Variants in TLK1 observed in about 807,000 individuals in gnomAD.
The protein encoded by TLK1 is serine/threonine-protein kinase tousled-like 1.
Under a neutral mutation model 105.3 loss-of-function variants are expected in TLK1, and 24 were observed. That is an observed-to-expected ratio of 0.23 (90% confidence interval 0.17 to 0.32). TLK1 has a LOEUF of 0.32. Among genes scored for constraint, TLK1 ranks in the 10% least tolerant of loss-of-function variants. The pLI is 1.00. For synonymous variants in TLK1, 321 were observed against 310.4 expected (o/e 1.03, Z -0.36); for missense variants, 558 against 910.5 (o/e 0.61, Z 4.98).
chr2:171,031,454 CT>C (rs906653178), intron 11 of TLK1, among the ~76,000 whole-genome samples: 79 of 152,246 alleles, frequency 5.2e-4, no homozygotes, highest in Middle Eastern at 6.8e-3. Context: ...AGAACCTGCC[CT>C]CTCAAACAAT....
chr2:171,109,642 T>C (rs190667687), intron 2 of TLK1, among the ~76,000 whole-genome samples: 47 of 152,322 alleles, frequency 3.1e-4, no homozygotes, highest in Non-Finnish European at 1.0e-4. Flanking sequence ...TCCAGCTAAG[T>C]ATCTTCCCAA....
intron 7 of TLK1, chr2:171,054,434 C>G (rs1325876095): frequency 6.6e-6 from 1 of 152,350 alleles, no homozygotes; most frequent in Non-Finnish European, 1.5e-5. Flanking sequence ...CTTTCATGAT[C>G]TACTCAGTGG....
intron 14 of TLK1, among the ~76,000 whole-genome samples, chr2:171,007,479 C>G (rs1015135212): frequency 1.3e-5 from 2 of 151,936 alleles, no homozygotes; most frequent in Non-Finnish European, 2.9e-5. Flanking sequence ...CTATTTCTTT[C>G]TCACTTTTTA....
chr2:171,220,466 T>C (rs1214133418), intron 1 of TLK1, among the ~76,000 whole-genome samples: 1 of 152,254 alleles, frequency 6.6e-6, no homozygotes, highest in Non-Finnish European at 1.5e-5. Context: ...GTTTCTGCCT[T>C]GCTGCCTTTG....
In TLK1 at chr2:171,177,362, C is replaced by T. The variant is rs144213667; in HGVS notation, c.-6+53783G>A. On this transcript the variant is annotated intron_variant, in intron 1 of 20. Transcript: ENST00000521943. The stretch of plus-strand genomic sequence containing the variant: ...TTTGCCACATTGGCCAGGCTGGTCT[C>T]GAACTACTAGGCTCAAGGGATCCAC... Among the ~76,000 whole-genome samples, 351 of 150,856 alleles carry T rather than the reference C, an allele frequency of 2.3e-3. 2 individuals are homozygous for T. The highest frequency in any genetic ancestry group is 8.3e-3 in the African/African-American group (339 of 41,032).
At position 171,160,536 on chromosome 2, in the gene TLK1, A is replaced by C; in HGVS notation, c.-108T>G. ...GGGCCGCGCTGAGGGCGAGCGAGAG[A>C]GCGAGGGCTGGGAGGGGAGAGTCAA... is the stretch of plus-strand genomic sequence containing the variant. On this transcript the variant is annotated 5_prime_UTR_variant, in exon 1 of 21. Transcript: ENST00000431350. This position sits in a 1 kb window ranked among gnomAD's most constrained non-coding sequence, Gnocchi z 4.4. 6.7e-7 allele frequency: 1 copy of C among 1,493,874 alleles called. No homozygotes were observed. Among genetic ancestry groups the C allele is most frequent in the Non-Finnish European group, 8.9e-7 (1 of 1,121,344 alleles). 92.5% of individuals were successfully genotyped at this position (1,493,874 alleles called of 1,614,324 possible).
chr2:171,028,154 T>G (rs112010001), intron 12 of TLK1, among the ~76,000 whole-genome samples, 185 bp downstream of exon 12: 1 of 152,196 alleles, frequency 6.6e-6, no homozygotes, highest in East Asian at 1.9e-4. Flanking sequence ...TGAGACTGTT[T>G]CAAAAAATAA....
intron 1 of TLK1, among the ~76,000 whole-genome samples, chr2:171,130,231 C>T (rs1691045037): frequency 6.6e-6 from 1 of 152,104 alleles, no homozygotes; most frequent in East Asian, 1.9e-4. Flanking sequence ...GTGAAACCCC[C>T]TCTCTACTAG....
intron 14 of TLK1, among the ~76,000 whole-genome samples, chr2:171,009,395 C>T (rs561043372): frequency 6.7e-6 from 1 of 148,940 alleles, no homozygotes; most frequent in African/African-American, 2.5e-5. Flanking sequence ...CCTCCCACCA[C>T]CAAGGTTCAA....
At chr2:171,062,175 T>C (rs934459532) in intron 3 of TLK1, among the ~76,000 whole-genome samples, 15 of 152,210 alleles carry the variant, frequency 9.9e-5, no homozygotes, top group Admixed American at 9.8e-4. Flanking sequence ...GCACAGGCAA[T>C]GGCACCAGGC....
At chr2:171,113,305 T>G (rs986115261) in intron 2 of TLK1, among the ~76,000 whole-genome samples, 1 of 151,378 alleles carries the variant, frequency 6.6e-6, no homozygotes, top group Admixed American at 6.6e-5. Context: ...TGTCTCACTC[T>G]TGTCACCCAG....
At chr2:171,180,134 T>C (rs368753801) in intron 1 of TLK1, among the ~76,000 whole-genome samples, 1 of 134,524 alleles carries the variant, frequency 7.4e-6, no homozygotes, top group Middle Eastern at 3.6e-3. Flanking sequence ...GGCATGGGGG[T>C]GGACGTCTAT....
At chr2:171,117,514 A>G (rs958460402) in intron 2 of TLK1, among the ~76,000 whole-genome samples, 1 of 152,222 alleles carries the variant, frequency 6.6e-6, no homozygotes, top group African/African-American at 2.4e-5. Flanking sequence ...AGGCAGTACA[A>G]TCTACCAAAC....
At position 171,093,216 on chromosome 2, in the gene TLK1, C is replaced by T. The variant is rs1037978222; in HGVS notation, c.259-10364G>A. ...TAAGTGCTGAGACCATTAAAATATGCCACACAGTCCTTTGTCTTCAAGAGC... is the reference window on the plus strand; with the variant it reads ...TAAGTGCTGAGACCATTAAAATATGTCACACAGTCCTTTGTCTTCAAGAGC... On this transcript the variant is annotated intron_variant, in intron 2 of 20. Transcript: ENST00000431350. Among the ~76,000 whole-genome samples, 4 of 152,226 alleles carry T rather than the reference C, an allele frequency of 2.6e-5. No homozygotes were observed. In the South Asian group the frequency reaches 6.2e-4, roughly 24 times the overall value.
chr2:171,097,818 G>C (rs528014874), intron 2 of TLK1, among the ~76,000 whole-genome samples: 3 of 151,916 alleles, frequency 2.0e-5, no homozygotes, highest in Non-Finnish European at 4.4e-5. Context: ...CCTGCTACTC[G>C]GGAGGCTCAG....
intron 11 of TLK1, among the ~76,000 whole-genome samples, chr2:171,040,958 T>C (rs1686647378): frequency 6.6e-6 from 1 of 152,160 alleles, no homozygotes; most frequent in African/African-American, 2.4e-5. Context: ...TGAGGTAAAA[T>C]ATTACTTATT....
rs572906384 is a variant in TLK1 at position 171,118,348 on chromosome 2, G to T, written c.140-491C>A. 1.4e-4 allele frequency among the ~76,000 whole-genome samples: 22 copies of T among 152,266 alleles called. No individual in the cohort carries two copies. The East Asian group carries it at 3.5e-3, about 24-fold the overall frequency. ...CCCTATTCTGAGCATACCCAGAATTGTAACTATGCGACATTACCACTTAAT... is the reference window on the plus strand; with the variant it reads ...CCCTATTCTGAGCATACCCAGAATTTTAACTATGCGACATTACCACTTAAT... On this transcript the variant is annotated intron_variant, in intron 1 of 20. Coordinates refer to ENST00000431350, the MANE Select transcript of TLK1 (RefSeq NM_012290.5).
chr2:171,085,078 A>T (rs1688910791), intron 2 of TLK1, among the ~76,000 whole-genome samples: 2 of 152,192 alleles, frequency 1.3e-5, no homozygotes, highest in Non-Finnish European at 2.9e-5. Flanking sequence ...GAAAATAGTA[A>T]AAACTGTAAT....
At chr2:171,049,730 A>G in intron 10 of TLK1, 84 bp downstream of exon 10, 1 of 1,523,254 alleles carries the variant, frequency 6.6e-7, no homozygotes, top group Non-Finnish European at 8.9e-7. Context: ...GGAACTGGAG[A>G]GCATAATTAC....
Sources: gnomAD v4.1 joint callset for allele counts (sites outside exome capture counted in the v4.1 genomes callset) on GRCh38, gnomAD v4.1.1 for gene constraint, Gnocchi (gnomAD v3.1) non-coding constraint, MANE v1.5 for transcripts, NCBI Gene and HGNC (gene_info 2026-07-23, HGNC 2026-07-21) for gene names.